Variants in OR2V1 observed in about 807,000 individuals in gnomAD.
The protein encoded by OR2V1 is olfactory receptor 2V1.
A neutral mutation model predicts 15.0 loss-of-function variants in OR2V1; 18 were observed. The ratio of observed to expected loss-of-function variants is 1.20; its 90% CI spans 0.83 to 1.78. The LOEUF (loss-of-function observed/expected upper bound fraction) is 1.78, where lower values mean the gene tolerates loss of function less well. Among genes scored for constraint, OR2V1 ranks in the 40% most tolerant of loss-of-function variants. The pLI, the probability that OR2V1 is intolerant of heterozygous loss-of-function variation, is 0.00. For synonymous variants in OR2V1, 144 were observed against 146.1 expected (o/e 0.99, Z 0.10); for missense variants, 359 against 392.9 (o/e 0.91, Z 0.73).
At chr5:181,126,574 A>G (rs892088954) in intron 3 of OR2V1, among the ~76,000 whole-genome samples, 5 of 152,040 alleles carry the variant, frequency 3.3e-5, no homozygotes, top group Non-Finnish European at 5.9e-5. Flanking sequence ...GAAAATACAC[A>G]TGCAGAAACA....
Position 181,124,258 on chromosome 5 carries a change from C to G in OR2V1, c.*99G>C. The G allele has an allele frequency of 8.7e-7, 1 of 1,149,426 alleles. No individual in the cohort carries two copies. The highest frequency in any genetic ancestry group is 1.2e-6 in the Non-Finnish European group (1 of 846,044). The allele number at this position is 1,149,426 out of a possible 1,614,324, so 71.2% of individuals were successfully genotyped here. On this transcript the variant is annotated 3_prime_UTR_variant, in exon 4 of 4. Transcript: ENST00000641551. ...CCAAAACCTATAAACCATCCAATGA[C>G]CATCAACAGGTGAATGGAAACAGAC...
In OR2V1 at chr5:181,124,444, G is replaced by C; in HGVS notation, c.861C>G (p.Asn287Lys). ...IFYTVLTPML[N>K]PLIYSLRNGE... ...CATTCCTCAAGCTGTAAATGAGGGGGTTCAGCATGGGAGTAAGGACTGTGT... is the reference window on the plus strand; with the variant it reads ...CATTCCTCAAGCTGTAAATGAGGGGCTTCAGCATGGGAGTAAGGACTGTGT... Residue 287 changes from asparagine (N) to lysine (K), a missense_variant, in exon 4 of 4, where the codon AAC becomes AAG. Physicochemically the swap from Asn to Lys is moderately conservative, Grantham distance 94. Coordinates refer to ENST00000641551, the MANE Select transcript of OR2V1 (RefSeq NM_001258283.2). The C allele has an allele frequency of 6.2e-7, 1 of 1,613,894 alleles. No homozygotes were observed. Among genetic ancestry groups the C allele is most frequent in the Non-Finnish European group, 8.5e-7 (1 of 1,179,964 alleles).
Position 181,127,241 on chromosome 5 carries a change from G to A in OR2V1, c.-21-1916C>T, listed in dbSNP as rs574649930. 2.4e-4 allele frequency among the ~76,000 whole-genome samples: 37 copies of A among 152,310 alleles called. 1 individual carries two copies. The highest frequency in any genetic ancestry group is 8.7e-4 in the African/African-American group (36 of 41,556). ...TGGCTCATAGCGGGACCTCAACCCA[G>A]ACATGGTGACTGAACAAAATAATAT... On this transcript the variant is annotated intron_variant, in intron 3 of 3. Transcript: ENST00000641551.
intron 2 of OR2V1, among the ~76,000 whole-genome samples, chr5:181,129,900 G>C (rs1209704135): frequency 6.6e-6 from 1 of 152,214 alleles, no homozygotes; most frequent in African/African-American, 2.4e-5. Flanking sequence ...CCCAGACAGA[G>C]GGAGGGGGAC....
intron 3 of OR2V1, among the ~76,000 whole-genome samples, chr5:181,128,546 C>G (rs755115269): frequency 5.9e-5 from 9 of 152,224 alleles, no homozygotes; most frequent in East Asian, 1.9e-4. Flanking sequence ...ATGCCGGTCT[C>G]CCTGCCTCCT....
At position 181,124,625 on chromosome 5, in the gene OR2V1, A is replaced by G; in HGVS notation, c.680T>C (p.Leu227Pro). The G allele has an allele frequency of 6.2e-7, 1 of 1,613,820 alleles. No individual in the cohort carries two copies. Among genetic ancestry groups the G allele is most frequent in the Non-Finnish European group, 8.5e-7 (1 of 1,179,942 alleles). Residue 227 changes from leucine (L) to proline (P), a missense_variant, in exon 4 of 4, where the codon CTC becomes CCC. Leu to Pro is a moderately conservative substitution (Grantham distance 98). Transcript: ENST00000641551. ...ASYACILGAV[L>P]RIRSAQAWKK... is the part of the protein sequence containing the mutation. ...CCAGGCCTGAGCAGAGCGTATTCGG[A>G]GCACAGCCCCTAGGATGCAAGCATA...
rs1362160622 is a variant in OR2V1, at chr5:181,123,133, A to G, written c.*1224T>C. The G allele has an allele frequency of 6.6e-6, 1 of 152,210 alleles. No homozygotes were observed. The highest frequency in any genetic ancestry group is 1.9e-4 in the East Asian group (1 of 5,202). 9.4% of individuals were successfully genotyped at this position (152,210 alleles called of 1,614,324 possible). A position where few individuals can be genotyped will look rare whatever the true frequency, so the allele number is the denominator to read the frequency against. On this transcript the variant is annotated 3_prime_UTR_variant, in exon 4 of 4. Coordinates refer to ENST00000641551, the MANE Select transcript of OR2V1 (RefSeq NM_001258283.2). ...TGAACAGTGCTTTTAAAATGCTTCC[A>G]TTTATATTACCTCACTTGATGCTCT...
intron 3 of OR2V1, among the ~76,000 whole-genome samples, chr5:181,126,247 C>G (rs764356940): frequency 6.6e-6 from 1 of 152,178 alleles, no homozygotes; most frequent in African/African-American, 2.4e-5. Flanking sequence ...CTTCCCTGGT[C>G]TCCCAGCTTC....
chr5:181,127,681 G>T (rs1314842021), intron 3 of OR2V1, among the ~76,000 whole-genome samples: 1 of 152,068 alleles, frequency 6.6e-6, no homozygotes, highest in Non-Finnish European at 1.5e-5. Context: ...AGTTCCCGGG[G>T]TCCTTGCCAC....
At position 181,129,662 on chromosome 5, in the gene OR2V1, C is replaced by T. The variant is rs79045009; in HGVS notation, c.-77-87G>A. ...GGCTTATCTTCCTGCTCTCTAATTT[C>T]AGACCTTTCCGTTGGGTGTTTAGTT... On this transcript the variant is annotated intron_variant, in intron 2 of 3. Coordinates refer to ENST00000641551, the MANE Select transcript of OR2V1 (RefSeq NM_001258283.2). The T allele has an allele frequency of 3.2e-3, 496 of 152,692 alleles. 2 individuals carry two copies. The highest frequency in any genetic ancestry group is 0.01 in the Middle Eastern group (3 of 294). The allele number at this position is 152,692 out of a possible 1,614,324, so 9.5% of individuals were successfully genotyped here.
At chr5:181,128,496 C>T (rs1242698205) in intron 3 of OR2V1, among the ~76,000 whole-genome samples, 1 of 152,222 alleles carries the variant, frequency 6.6e-6, no homozygotes, top group African/African-American at 2.4e-5. Context: ...CCCTCCACCA[C>T]CACCCACGCC....
Position 181,124,905 on chromosome 5 carries a change from G to T in OR2V1, c.400C>A (p.Pro134Thr). ...CAGACCCTCTGATTCATGAGGATGG[G>T]ATAGTGAAGTGGGTGGCTAACGGCC... ...YVAVSHPLHY[P>T]ILMNQRVCLQ... Residue 134 changes from proline to threonine, a missense_variant, in exon 4 of 4, where the codon CCC (proline) becomes ACC (threonine). Coordinates refer to ENST00000641551, the MANE Select transcript of OR2V1 (RefSeq NM_001258283.2). 2 of 1,613,784 alleles carry T rather than the reference G, an allele frequency of 1.2e-6. No homozygotes were observed. The highest frequency in any genetic ancestry group is 1.7e-6 in the Non-Finnish European group (2 of 1,179,832).
intron 3 of OR2V1, among the ~76,000 whole-genome samples, chr5:181,125,933 C>T (rs552666549): frequency 2.0e-5 from 3 of 152,030 alleles, no homozygotes; most frequent in Non-Finnish European, 2.9e-5. Context: ...TGCAGTGAGC[C>T]GAGATTGTGC....
Position 181,124,665 on chromosome 5 carries a change from T to C in OR2V1, c.640A>G (p.Ile214Val). ...CVFMLLLPFSIIMASYACILG... is the reference protein window; with the variant it reads ...CVFMLLLPFSVIMASYACILG... ...ATGCAAGCATAGGAGGCCATGATGA[T>C]GGAGAAGGGAAGGAGAAGCATGAAG... Residue 214 changes from isoleucine to valine, a missense_variant, in exon 4 of 4, where the codon ATC (isoleucine) becomes GTC (valine). By Grantham distance (29) the Ile-to-Val change is conservative (BLOSUM62 3). Coordinates refer to ENST00000641551, the MANE Select transcript of OR2V1 (RefSeq NM_001258283.2). 1 of 1,613,044 alleles carries C rather than the reference T, an allele frequency of 6.2e-7. No homozygotes were observed. The highest frequency in any genetic ancestry group is 1.1e-5 in the South Asian group (1 of 91,048).
At chr5:181,126,463 C>G (rs1255304846) in intron 3 of OR2V1, among the ~76,000 whole-genome samples, 1 of 150,402 alleles carries the variant, frequency 6.6e-6, no homozygotes, top group African/African-American at 2.5e-5. Flanking sequence ...CACACAGAGA[C>G]ACACAGACAG....
Position 181,125,002 on chromosome 5 carries a change from T to A in OR2V1, c.303A>T (p.Gln101His). The A allele has an allele frequency of 6.2e-7, 1 of 1,614,060 alleles. No homozygotes were observed. Among genetic ancestry groups the A allele is most frequent in the Non-Finnish European group, 8.5e-7 (1 of 1,180,020 alleles). ...KSISFVGCGIQIGFFVSLVGS... is the reference protein window; with the variant it reads ...KSISFVGCGIHIGFFVSLVGS... ...CCACAAGAGAGACAAAAAAGCCAAT[T>A]TGTATGCCACAGCCCACAAAGGAGA... The change falls in exon 4 of 4, where the codon CAA becomes CAT. Residue 101 changes from glutamine (Q) to histidine (H), a missense_variant. Gln to His is a conservative substitution (Grantham distance 24). Transcript: ENST00000641551.
rs139332037 is a variant in OR2V1, at chr5:181,124,195, T to G, written c.*162A>C. On this transcript the variant is annotated 3_prime_UTR_variant, in exon 4 of 4. Transcript: ENST00000641551. ...TGATTATCTTTTTTTCCTTTTTTTT[T>G]GGTACAGAAATGTTCATAATGGCTT... The G allele has an allele frequency of 1.7e-3, 966 of 561,226 alleles. 17 individuals are homozygous for G. The East Asian group carries it at 0.026, about 15-fold the overall frequency. 34.8% of individuals were successfully genotyped at this position (561,226 alleles called of 1,614,324 possible).
intron 3 of OR2V1, among the ~76,000 whole-genome samples, chr5:181,129,141 A>G (rs1762927562): frequency 6.6e-6 from 1 of 152,178 alleles, no homozygotes; most frequent in Admixed American, 6.5e-5. Flanking sequence ...CTGAGGTGGA[A>G]GGATCGTTTG....
In OR2V1 at chr5:181,127,778, C is replaced by T. The variant is rs991868569; in HGVS notation, c.-22+1742G>A. 5.3e-5 allele frequency among the ~76,000 whole-genome samples: 8 copies of T among 152,052 alleles called. No homozygotes were observed. In the South Asian group the frequency reaches 8.3e-4, roughly 16 times the overall value. ...CAAGCACCATCTCAGCCACACCAGC[C>T]GCAGGTTCCACCCAGCAGCGAAACA... On this transcript the variant is annotated intron_variant, in intron 3 of 3. Coordinates refer to ENST00000641551, the MANE Select transcript of OR2V1 (RefSeq NM_001258283.2).
Sources: allele counts gnomAD v4.1 joint callset (sites outside exome capture counted in the v4.1 genomes callset), GRCh38; gene constraint gnomAD v4.1.1; transcripts MANE v1.5; gene names NCBI Gene and HGNC (gene_info 2026-07-23, HGNC 2026-07-21).